EYA3: variants seen among roughly 807,000 people sequenced by gnomAD.
EYA3 encodes protein phosphatase EYA3.
A neutral mutation model predicts 80.0 loss-of-function variants in EYA3; 39 were observed. That is an observed-to-expected ratio of 0.49 (90% CI 0.38 to 0.64). The LOEUF (loss-of-function observed/expected upper bound fraction) is 0.64, where lower values mean the gene tolerates loss of function less well. EYA3 is among the 30% of genes least tolerant of loss of function. EYA3 has a pLI of 0.00. For synonymous variants in EYA3, 206 were observed against 232.8 expected (o/e 0.88, Z 1.05); for missense variants, 523 against 676.1 (o/e 0.77, Z 2.51).
rs1466778663 is a variant in EYA3, at chr1:27,981,501, G to C, written c.1541-3027C>G. 2.0e-5 allele frequency among the ~76,000 whole-genome samples: 3 copies of C among 152,092 alleles called. No individual in the cohort carries two copies. The South Asian group carries it at 6.2e-4, about 31-fold the overall frequency. Reference sequence around the variant, plus strand: ...CGGCAGCAGGAACAATATCTGAAGGGAGCGCTTTCATATATGTTCCCTTCC... The same window carrying C: ...CGGCAGCAGGAACAATATCTGAAGGCAGCGCTTTCATATATGTTCCCTTCC... On this transcript the variant is annotated intron_variant, in intron 16 of 17. Transcript: ENST00000373871.
At chr1:28,038,585 C>T (rs184791944) in intron 5 of EYA3, among the ~76,000 whole-genome samples, 1 of 151,844 alleles carries the variant, frequency 6.6e-6, no homozygotes, top group East Asian at 1.9e-4. Flanking sequence ...ATCACTAACA[C>T]TATTTTGCAT....
chr1:28,023,780 C>A (rs1578213), intron 7 of EYA3, among the ~76,000 whole-genome samples: 1 of 152,022 alleles, frequency 6.6e-6, no homozygotes, highest in East Asian at 1.9e-4. Context: ...GAATAAACAA[C>A]GGACTTAGTT....
intron 9 of EYA3, among the ~76,000 whole-genome samples, chr1:28,011,353 C>T (rs1194020619): frequency 6.6e-6 from 1 of 152,184 alleles, no homozygotes; most frequent in African/African-American, 2.4e-5. Flanking sequence ...CAAGAAAAAG[C>T]TGAACCTGAA....
At chr1:28,081,798 C>T (rs1029739245) in intron 1 of EYA3, among the ~76,000 whole-genome samples, 15 of 152,134 alleles carry the variant, frequency 9.9e-5, no homozygotes, top group South Asian at 4.1e-4. Flanking sequence ...CCCGTAGTAA[C>T]GGTGCTGATA....
chr1:27,974,264 A>G lies in EYA3; in HGVS notation c.*202T>C. ...CAGCATTCCATGGATAAAGACAGAGAGAGAGAGAGAGAGAGAGGCAGAGAG... is the reference window on the plus strand; with the variant it reads ...CAGCATTCCATGGATAAAGACAGAGGGAGAGAGAGAGAGAGAGGCAGAGAG... On this transcript the variant is annotated 3_prime_UTR_variant, in exon 18 of 18. Coordinates refer to ENST00000373871, the MANE Select transcript of EYA3 (RefSeq NM_001990.4). 2.6e-6 allele frequency: 1 copy of G among 384,470 alleles called. No individual in the cohort carries two copies. The highest frequency in any genetic ancestry group is 3.6e-5 in the South Asian group (1 of 27,648). 23.8% of individuals were successfully genotyped at this position (384,470 alleles called of 1,614,324 possible). A position where few individuals can be genotyped will look rare whatever the true frequency, so the allele number is the denominator to read the frequency against.
intron 13 of EYA3, among the ~76,000 whole-genome samples, chr1:27,996,513 C>T (rs1344226729): frequency 6.6e-6 from 1 of 152,168 alleles, no homozygotes; most frequent in Non-Finnish European, 1.5e-5. Context: ...CCCTCCATGA[C>T]CATGTGACAC....
chr1:28,081,010 G>C (rs964548471), intron 1 of EYA3, among the ~76,000 whole-genome samples: 2 of 152,022 alleles, frequency 1.3e-5, no homozygotes, highest in African/African-American at 4.8e-5. Flanking sequence ...TCCCGCCTCG[G>C]CCTCCCAAAG....
chr1:28,087,561 A>G (rs1269679892), intron 1 of EYA3, among the ~76,000 whole-genome samples: 1 of 152,230 alleles, frequency 6.6e-6, no homozygotes, highest in Non-Finnish European at 1.5e-5. Flanking sequence ...AAACAACACA[A>G]TAAATTCATA....
In EYA3 at chr1:28,004,955, GA is replaced by G. The variant is rs367605363; in HGVS notation, c.910-537del. 2.7e-3 allele frequency among the ~76,000 whole-genome samples: 406 copies of G among 151,598 alleles called. 1 individual carries two copies. Among genetic ancestry groups the G allele is most frequent in the African/African-American group, 9.0e-3 (371 of 41,362 alleles). Reference sequence around the variant, plus strand: ...CAACCTTTGGCTAAATTGACTAAGGGAAAAAAAAGAAGATTCAAATGACTAA... The same window carrying G: ...CAACCTTTGGCTAAATTGACTAAGGGAAAAAAAGAAGATTCAAATGACTAA... On this transcript the variant is annotated intron_variant, in intron 10 of 17. Coordinates refer to ENST00000373871, the MANE Select transcript of EYA3 (RefSeq NM_001990.4).
rs1638694779 is a variant in EYA3, at chr1:27,970,612, G to C, written c.*3854C>G. ...CTTGCCAGAGCTGTCTGACTCAGAG[G>C]AGAGGAAGGGACAGATGGCCTGCTG... On this transcript the variant is annotated 3_prime_UTR_variant, in exon 18 of 18. Coordinates refer to ENST00000373871, the MANE Select transcript of EYA3 (RefSeq NM_001990.4). 6.6e-6 allele frequency: 1 copy of C among 152,254 alleles called. No homozygotes were observed. The highest frequency in any genetic ancestry group is 6.5e-5 in the Admixed American group (1 of 15,274). 9.4% of individuals were successfully genotyped at this position (152,254 alleles called of 1,614,324 possible). A position where few individuals can be genotyped will look rare whatever the true frequency, so the allele number is the denominator to read the frequency against.
intron 17 of EYA3, among the ~76,000 whole-genome samples, chr1:27,975,109 A>AAT (rs2148695781): frequency 6.6e-6 from 1 of 152,342 alleles, no homozygotes; most frequent in South Asian, 2.1e-4. Context: ...AGATCTGGGA[A>AAT]ATAATAATCC....
In EYA3 at chr1:27,976,220, G is replaced by A. The variant is rs147915795; in HGVS notation, c.1642-1674C>T. Among the ~76,000 whole-genome samples, 704 of 152,292 alleles carry A rather than the reference G, an allele frequency of 4.6e-3. 5 individuals carry two copies. Among genetic ancestry groups the A allele is most frequent in the African/African-American group, 0.016 (670 of 41,558 alleles). On this transcript the variant is annotated intron_variant, in intron 17 of 17. Coordinates refer to ENST00000373871, the MANE Select transcript of EYA3 (RefSeq NM_001990.4). ...CATGCCTGCAATCCCAGCACTTTGG[G>A]AGTCTGAGGTGGGTGGATCACCTGA...
intron 2 of EYA3, among the ~76,000 whole-genome samples, chr1:28,050,202 A>ATTATTT (rs1557617334): frequency 1.4e-5 from 2 of 142,542 alleles, no homozygotes; most frequent in East Asian, 2.0e-4. Flanking sequence ...TATTATTATT[A>ATTATTT]TTTTTTTTGA....
At chr1:27,976,717 T>C (rs533343757) in intron 17 of EYA3, among the ~76,000 whole-genome samples, 2 of 152,244 alleles carry the variant, frequency 1.3e-5, no homozygotes, top group South Asian at 2.1e-4. Context: ...AATTGGTATA[T>C]ACTTTGTTTG....
chr1:28,003,361 T>G (rs1226683461), intron 11 of EYA3, among the ~76,000 whole-genome samples: 2 of 151,798 alleles, frequency 1.3e-5, no homozygotes, highest in Non-Finnish European at 2.9e-5. Context: ...CCTAGCTACT[T>G]GGGATGCTGA....
chr1:28,035,451 T>C, intron 6 of EYA3, 93 bp downstream of exon 6: 2 of 1,400,218 alleles, frequency 1.4e-6, no homozygotes, highest in Non-Finnish European at 1.9e-6. Context: ...CATATGTAAC[T>C]AAGTGCTTTG....
intron 8 of EYA3, among the ~76,000 whole-genome samples, chr1:28,015,390 A>T (rs1325799965): frequency 1.3e-5 from 2 of 152,158 alleles, no homozygotes; most frequent in Non-Finnish European, 2.9e-5. Context: ...GGAATAGGGA[A>T]TGGGGACTCT....
At chr1:28,068,594 A>C (rs1168712659) in intron 1 of EYA3, among the ~76,000 whole-genome samples, 1 of 152,004 alleles carries the variant, frequency 6.6e-6, no homozygotes, top group Non-Finnish European at 1.5e-5. Flanking sequence ...TTAGTTGAAC[A>C]AAGAGCTACT....
At chr1:28,054,841 AC>A (rs1644383224) in intron 2 of EYA3, among the ~76,000 whole-genome samples, 1 of 152,176 alleles carries the variant, frequency 6.6e-6, no homozygotes, top group Admixed American at 6.5e-5. Context: ...ACAGGGTGAA[AC>A]CCTGTCTCAA....
Sources: allele counts gnomAD v4.1 joint callset (sites outside exome capture counted in the v4.1 genomes callset), GRCh38; gene constraint gnomAD v4.1.1; transcripts MANE v1.5; gene names NCBI Gene and HGNC (gene_info 2026-07-23, HGNC 2026-07-21).